B3GAT2: variants seen among roughly 807,000 people sequenced by gnomAD.
B3GAT2 encodes the protein beta-1,3-glucuronyltransferase 2.
In B3GAT2, 26 loss-of-function variants were observed where a neutral mutation model predicts 27.8. The observed-to-expected ratio is 0.93, with a 90% confidence interval of 0.68 to 1.30. The LOEUF (loss-of-function observed/expected upper bound fraction) is 1.30. B3GAT2 is among the 50% of genes most tolerant of loss of function. The pLI is 0.00. For synonymous variants in B3GAT2, 218 were observed against 195.1 expected (o/e 1.12, Z -0.98); for missense variants, 458 against 459.0 (o/e 1.00, Z 0.02).
At chr6:70,925,431 C>T (rs985999586) in intron 1 of B3GAT2, among the ~76,000 whole-genome samples, 3 of 152,186 alleles carry the variant, frequency 2.0e-5, no homozygotes, top group African/African-American at 7.2e-5. Flanking sequence ...CCTGGAAACT[C>T]GGGACACTCC....
In B3GAT2 at chr6:70,894,231, C is replaced by G. The variant is rs773092539; in HGVS notation, c.633G>C (p.Leu211=). The G allele has an allele frequency of 6.2e-7, 1 of 1,612,938 alleles. No homozygotes were observed. Among genetic ancestry groups the G allele is most frequent in the South Asian group, 1.1e-5 (1 of 90,916 alleles). ...GACGTTCGTAGCGCCGCCCACCAAC[C>G]AGGCCCACAGGCCAGACGGAGACCT... The part of the protein sequence containing the change: ...TRKVSVWPVG[L]VGGRRYERPL... Residue 211 remains leucine (L), a synonymous_variant, in exon 2 of 4, where the codon CTG becomes CTC. Coordinates refer to ENST00000230053, the MANE Select transcript of B3GAT2 (RefSeq NM_080742.3).
intron 1 of B3GAT2, among the ~76,000 whole-genome samples, chr6:70,921,844 A>G (rs2504744): frequency 0.96 from 145,553 of 152,272 alleles, 69,886 homozygotes; most frequent in Non-Finnish European, 1. Flanking sequence ...CTTCATTCTG[A>G]ATGCTTTCAG....
intron 1 of B3GAT2, among the ~76,000 whole-genome samples, chr6:70,908,021 T>C (rs1287822458): frequency 6.6e-6 from 1 of 152,200 alleles, no homozygotes; most frequent in Admixed American, 6.5e-5. Context: ...TTCAACAATA[T>C]ACAAGATTCT....
chr6:70,925,505 G>T (rs1772940311), intron 1 of B3GAT2, among the ~76,000 whole-genome samples: 1 of 152,224 alleles, frequency 6.6e-6, no homozygotes, highest in Non-Finnish European at 1.5e-5. Context: ...TATAACCCGT[G>T]CCTGGCTCGG....
rs1489848180 is a variant in B3GAT2 at position 70,859,408 on chromosome 6, C to T, written c.*2255G>A. 36 of 1,546,606 alleles carry T rather than the reference C, an allele frequency of 2.3e-5. No individual in the cohort carries two copies. Among genetic ancestry groups the T allele is most frequent in the Non-Finnish European group, 3.1e-5 (35 of 1,144,454 alleles). On this transcript the variant is annotated 3_prime_UTR_variant, in exon 4 of 4. Coordinates refer to ENST00000230053, the MANE Select transcript of B3GAT2 (RefSeq NM_080742.3). Reference sequence around the variant, plus strand: ...CCAATGACAAGGTGGTTAAAATGTCCTTTAGTAGGTATGAAGACGTGATCT... The same window carrying T: ...CCAATGACAAGGTGGTTAAAATGTCTTTTAGTAGGTATGAAGACGTGATCT...
chr6:70,956,546 C>T lies in B3GAT2; in HGVS notation c.-117G>A. 6.7e-6 allele frequency: 10 copies of T among 1,502,568 alleles called. No individual in the cohort carries two copies. Among genetic ancestry groups the T allele is most frequent in the Non-Finnish European group, 8.9e-6 (10 of 1,128,654 alleles). The allele number at this position is 1,502,568 out of a possible 1,614,324, so 93.1% of individuals were successfully genotyped here. A position where few individuals can be genotyped will look rare whatever the true frequency, so the allele number is the denominator to read the frequency against. On this transcript the variant is annotated 5_prime_UTR_variant, in exon 1 of 4. The change abolishes an upstream ATG in the 5' untranslated region. Coordinates refer to ENST00000230053, the MANE Select transcript of B3GAT2 (RefSeq NM_080742.3). ...AGGGAGTGGTGATGGGTGCGCTGTCCATGGGGCCGAGGGCGCTGCAGAGAC... is the reference window on the plus strand; with the variant it reads ...AGGGAGTGGTGATGGGTGCGCTGTCTATGGGGCCGAGGGCGCTGCAGAGAC...
At chr6:70,882,785 A>G (rs6907696) in intron 2 of B3GAT2, among the ~76,000 whole-genome samples, 3,518 of 152,312 alleles carry the variant, frequency 0.023, 63 homozygotes, top group South Asian at 0.053. Flanking sequence ...GCCGCAGAGG[A>G]AAGGCCATCT....
At chr6:70,888,546 G>C (rs10945264) in intron 2 of B3GAT2, among the ~76,000 whole-genome samples, 25,560 of 151,982 alleles carry the variant, frequency 0.17, 2,681 homozygotes, top group African/African-American at 0.29. Context: ...AGCCCGCTAC[G>C]GGCTCATTAC....
chr6:70,931,541 A>G (rs1773063247), intron 1 of B3GAT2, among the ~76,000 whole-genome samples: 2 of 152,172 alleles, frequency 1.3e-5, no homozygotes, highest in African/African-American at 4.8e-5. Context: ...ACATATGGTC[A>G]GTGATTTTTG....
intron 1 of B3GAT2, among the ~76,000 whole-genome samples, chr6:70,895,193 T>TGGTCTC (rs1772358958): frequency 6.6e-6 from 1 of 152,172 alleles, no homozygotes; most frequent in Admixed American, 6.5e-5. Context: ...TTGGACGAGG[T>TGGTCTC]ATAACCTGCA....
Position 70,956,460 on chromosome 6 carries a change from C to A in B3GAT2, c.-31G>T. The A allele has an allele frequency of 6.5e-7, 1 of 1,549,830 alleles. No homozygotes were observed. The highest frequency in any genetic ancestry group is 1.2e-5 in the South Asian group (1 of 84,000). On this transcript the variant is annotated 5_prime_UTR_variant, in exon 1 of 4. Transcript: ENST00000230053. ...ACGCTCCCTGGCCTCTCGGACACCC[C>A]AGAGAGGGGCGAGCCGAGGGACCCC...
At chr6:70,928,796 G>C (rs113870385) in intron 1 of B3GAT2, among the ~76,000 whole-genome samples, 25,087 of 151,910 alleles carry the variant, frequency 0.17, 2,835 homozygotes, top group African/African-American at 0.32. Context: ...AAATAAAACA[G>C]TGTGGTGATT....
At chr6:70,864,269 CT>C (rs1771814843) in intron 2 of B3GAT2, among the ~76,000 whole-genome samples, 1 of 152,118 alleles carries the variant, frequency 6.6e-6, no homozygotes, top group South Asian at 2.1e-4. Context: ...TCCCCTAAGA[CT>C]TTAACACATT....
chr6:70,880,440 T>C (rs1772083600), intron 2 of B3GAT2, among the ~76,000 whole-genome samples: 1 of 152,066 alleles, frequency 6.6e-6, no homozygotes, highest in East Asian at 1.9e-4. Context: ...AGAGCCCAAA[T>C]TCAAACCTGG....
chr6:70,881,503 C>T (rs983643649), intron 2 of B3GAT2, among the ~76,000 whole-genome samples: 1 of 152,154 alleles, frequency 6.6e-6, no homozygotes, highest in Non-Finnish European at 1.5e-5. Flanking sequence ...TTTAGGTACA[C>T]CTGTGGCCAC....
rs764017140 is a variant in B3GAT2 at position 70,856,938 on chromosome 6, C to G, written c.*4725G>C. The G allele has an allele frequency of 6.2e-7, 1 of 1,613,952 alleles. No homozygotes were observed. Among genetic ancestry groups the G allele is most frequent in the East Asian group, 2.2e-5 (1 of 44,850 alleles). ...CTAGATTTATTCACTGAGCAAACTA[C>G]AAAATCAGAAGAAGTGGCAAAGAAA... On this transcript the variant is annotated 3_prime_UTR_variant, in exon 4 of 4. Transcript: ENST00000230053.
chr6:70,945,364 A>G (rs1765463123), intron 1 of B3GAT2, among the ~76,000 whole-genome samples: 1 of 152,172 alleles, frequency 6.6e-6, no homozygotes, highest in Non-Finnish European at 1.5e-5. Context: ...TAACCAATAC[A>G]GAGAAGTGCT....
At chr6:70,881,687 G>C (rs77091958) in intron 2 of B3GAT2, among the ~76,000 whole-genome samples, 33 of 152,234 alleles carry the variant, frequency 2.2e-4, no homozygotes, top group African/African-American at 7.9e-4. Context: ...TGATGTGGGG[G>C]CATTCTCTGC....
intron 1 of B3GAT2, among the ~76,000 whole-genome samples, chr6:70,916,755 C>T (rs549578445): frequency 2.0e-4 from 31 of 152,190 alleles, no homozygotes; most frequent in African/African-American, 7.2e-4. Context: ...TCGACTTGAT[C>T]GTAGTGGATA....
Sources: allele counts gnomAD v4.1 joint callset (sites outside exome capture counted in the v4.1 genomes callset), GRCh38; gene constraint gnomAD v4.1.1; transcripts MANE v1.5; gene names NCBI Gene and HGNC (gene_info 2026-07-23, HGNC 2026-07-21).